NAA35: variants seen among roughly 807,000 people sequenced by gnomAD.
The protein encoded by NAA35 is N-alpha-acetyltransferase 35, NatC auxiliary subunit.
In NAA35, 18 loss-of-function variants were observed where a neutral mutation model predicts 101.7. That is an observed-to-expected ratio of 0.18 (90% CI 0.12 to 0.26). The LOEUF (loss-of-function observed/expected upper bound fraction) is 0.26. NAA35 is among the 10% of genes least tolerant of loss of function. NAA35 has a pLI of 1.00. For synonymous variants in NAA35, 267 were observed against 273.1 expected, an observed-to-expected ratio of 0.98 and a Z score of 0.22; for missense variants, 601 against 886.8, an observed-to-expected ratio of 0.68 and a Z score of 4.09.
intron 11 of NAA35, among the ~76,000 whole-genome samples, chr9:85,987,316 A>G (rs1429036221): frequency 6.6e-6 from 1 of 152,238 alleles, no homozygotes; most frequent in African/African-American, 2.4e-5. Flanking sequence ...GTAGAATATG[A>G]TGGTACATTA....
At chr9:85,944,081 A>G (rs1828645879) in intron 2 of NAA35, among the ~76,000 whole-genome samples, 2 of 152,168 alleles carry the variant, frequency 1.3e-5, no homozygotes, top group Non-Finnish European at 2.9e-5. Flanking sequence ...GTTCCCCTTG[A>G]TGATCAGTAC....
chr9:86,015,366 A>AT (rs1832157342), intron 17 of NAA35, among the ~76,000 whole-genome samples: 1 of 152,098 alleles, frequency 6.6e-6, no homozygotes, highest in Non-Finnish European at 1.5e-5. Flanking sequence ...AAAATTACAG[A>AT]TTGGGCTCCT....
At chr9:85,967,933 T>C (rs552437777) in intron 6 of NAA35, among the ~76,000 whole-genome samples, 1 of 152,236 alleles carries the variant, frequency 6.6e-6, no homozygotes, top group Admixed American at 6.5e-5. Flanking sequence ...TTTCTTAACA[T>C]CTTGCTCACA....
chr9:85,972,059 T>A (rs1010949979), intron 6 of NAA35, among the ~76,000 whole-genome samples: 2 of 152,196 alleles, frequency 1.3e-5, no homozygotes, highest in African/African-American at 4.8e-5. Context: ...ATAACTTAGA[T>A]TAAATTCTTA....
At chr9:85,975,488 A>G (rs1007119080) in intron 8 of NAA35, among the ~76,000 whole-genome samples, 1 of 152,190 alleles carries the variant, frequency 6.6e-6, no homozygotes, top group African/African-American at 2.4e-5. Flanking sequence ...TGATATTTGC[A>G]TATAACCTGT....
intron 12 of NAA35, among the ~76,000 whole-genome samples, chr9:85,998,705 A>G (rs1377746934): frequency 6.6e-6 from 1 of 152,210 alleles, no homozygotes; most frequent in African/African-American, 2.4e-5. Context: ...ATAGTAGCAC[A>G]TGTAAGGTTA....
chr9:85,972,205 T>G (rs1830026639), intron 6 of NAA35, among the ~76,000 whole-genome samples: 1 of 152,090 alleles, frequency 6.6e-6, no homozygotes, highest in Non-Finnish European at 1.5e-5. Context: ...TTGTCTGATT[T>G]TTTAAAAAAG....
intron 11 of NAA35, among the ~76,000 whole-genome samples, chr9:85,990,649 CTCT>C (rs1270555616): frequency 3.3e-5 from 5 of 152,210 alleles, no homozygotes; most frequent in African/African-American, 1.2e-4. Flanking sequence ...CTGATTCTTG[CTCT>C]TCTTTCCTTC....
At chr9:86,005,018 C>G (rs147973934) in intron 13 of NAA35, among the ~76,000 whole-genome samples, 231 of 152,302 alleles carry the variant, frequency 1.5e-3, no homozygotes, top group Non-Finnish European at 1.8e-3. Flanking sequence ...ACCAAACCAA[C>G]TTTACAAACA....
chr9:86,021,172 G>A (rs1832528745), intron 22 of NAA35, among the ~76,000 whole-genome samples: 1 of 152,194 alleles, frequency 6.6e-6, no homozygotes, highest in Non-Finnish European at 1.5e-5. Flanking sequence ...TCTAAAGTCT[G>A]CCTATACGTT....
chr9:85,991,603 G>C (rs1409941217), intron 11 of NAA35, among the ~76,000 whole-genome samples: 2 of 152,152 alleles, frequency 1.3e-5, no homozygotes, highest in Non-Finnish European at 2.9e-5. Flanking sequence ...GTGGCCTGTT[G>C]TGGGGTATCA....
intron 6 of NAA35, among the ~76,000 whole-genome samples, chr9:85,968,858 A>G (rs913214058): frequency 1.3e-5 from 2 of 152,128 alleles, no homozygotes; most frequent in Non-Finnish European, 2.9e-5. Context: ...TGAGAGGTGA[A>G]CCAAAGTAGT....
At position 85,988,077 on chromosome 9, in the gene NAA35, A is replaced by G. The variant is rs58260836; in HGVS notation, c.878-8322A>G. 2.6e-3 allele frequency among the ~76,000 whole-genome samples: 393 copies of G among 152,356 alleles called. 2 individuals carry two copies. Among genetic ancestry groups the G allele is most frequent in the African/African-American group, 9.0e-3 (376 of 41,586 alleles). ...CTAGTTAACTGGTAATCTTTGTGTCAGTAAAAGAAACACATGCACACGGGC... is the reference window on the plus strand; with the variant it reads ...CTAGTTAACTGGTAATCTTTGTGTCGGTAAAAGAAACACATGCACACGGGC... On this transcript the variant is annotated intron_variant, in intron 11 of 22. Coordinates refer to ENST00000361671, the MANE Select transcript of NAA35 (RefSeq NM_024635.4).
intron 11 of NAA35, among the ~76,000 whole-genome samples, chr9:85,979,945 C>G (rs1319805960): frequency 1.3e-5 from 2 of 152,222 alleles, no homozygotes; most frequent in African/African-American, 4.8e-5. Flanking sequence ...ACTGCTCTTC[C>G]TCCCCAAACA....
chr9:86,000,820 A>AT (rs1221589274), intron 12 of NAA35, among the ~76,000 whole-genome samples: 9 of 150,726 alleles, frequency 6.0e-5, no homozygotes, highest in Non-Finnish European at 8.9e-5. Flanking sequence ...GGCCTATTTT[A>AT]TTTTTTTTCA....
chr9:85,975,608 T>A (rs917519781), intron 8 of NAA35, among the ~76,000 whole-genome samples: 3 of 152,218 alleles, frequency 2.0e-5, no homozygotes, highest in African/African-American at 4.8e-5. Flanking sequence ...TTTTTTAATG[T>A]TATTTTAAAA....
At chr9:85,966,828 C>A (rs774387875) in intron 6 of NAA35, among the ~76,000 whole-genome samples, 1 of 152,128 alleles carries the variant, frequency 6.6e-6, no homozygotes, top group Non-Finnish European at 1.5e-5. Context: ...ATAATTAGGC[C>A]GGGCGCTGTG....
chr9:85,955,702 A>G (rs941365246), intron 2 of NAA35, among the ~76,000 whole-genome samples: 4 of 152,074 alleles, frequency 2.6e-5, no homozygotes, highest in African/African-American at 9.7e-5. Flanking sequence ...TATAGCAGTG[A>G]TTTCTGACTT....
At position 86,017,524 on chromosome 9, in the gene NAA35, A is replaced by G. The variant is rs969888381; in HGVS notation, c.1732A>G (p.Met578Val). ...TCGCCCATTGAGCCGAGAGATCACA[A>G]TGAGCCAAGCATATCAGAACATGTG... Reference protein sequence around the residue: ...KVRPLSREITMSQAYQNMCAG... With the variant: ...KVRPLSREITVSQAYQNMCAG... The change falls in exon 19 of 23, where the codon ATG becomes GTG. Residue 578 changes from methionine (M) to valine (V), a missense_variant. By Grantham distance (21) the Met-to-Val change is conservative. Around this residue, in one of 8 missense-constraint regions of NAA35, gnomAD observed 99 missense variants for 206.7 expected, o/e 0.48. Coordinates refer to ENST00000361671, the MANE Select transcript of NAA35 (RefSeq NM_024635.4). The G allele has an allele frequency of 3.7e-6, 6 of 1,613,778 alleles. No homozygotes were observed. Among genetic ancestry groups the G allele is most frequent in the Non-Finnish European group, 5.1e-6 (6 of 1,179,868 alleles).
Sources: allele counts gnomAD v4.1 joint callset (sites outside exome capture counted in the v4.1 genomes callset), GRCh38; gene constraint gnomAD v4.1.1; regional missense constraint gnomAD v4.1.1; transcripts MANE v1.5; gene names NCBI Gene and HGNC (gene_info 2026-07-23, HGNC 2026-07-21).